Variants in PRKN observed in about 807,000 individuals in gnomAD.
PRKN encodes the protein parkin RBR E3 ubiquitin protein ligase, also known as E3 ubiquitin-protein ligase parkin.
PRKN carries 56 observed loss-of-function variants against 59.5 expected under a neutral mutation model. The ratio of observed to expected loss-of-function variants is 0.94; its 90% CI spans 0.76 to 1.18. The LOEUF (loss-of-function observed/expected upper bound fraction) is 1.18, where lower values mean the gene tolerates loss of function less well. Among genes scored for constraint, PRKN ranks in the 50% most tolerant of loss-of-function variants. The probability of loss-of-function intolerance (pLI) is 0.00; values close to 1 mark genes in which losing one functional copy is unlikely to be tolerated. For missense variants in PRKN, 657 were observed against 596.4 expected (o/e 1.10, Z -1.06); for synonymous variants, 250 against 222.1 (o/e 1.13, Z -1.12).
rs180974932 is a variant in PRKN, at chr6:162,718,799, A to G, written c.7+8863T>C. On this transcript the variant is annotated intron_variant, in intron 1 of 11. Transcript: ENST00000366898. ...GCAACAATGCCCAGAAATTGCCAGA[A>G]CATAAAAAACAAGCACAGAGACTTG... Among the ~76,000 whole-genome samples the G allele has an allele frequency of 5.9e-5, 9 of 152,358 alleles. 1 individual carries two copies. The highest frequency in any genetic ancestry group is 2.1e-4 in the South Asian group (1 of 4,832).
intron 7 of PRKN, among the ~76,000 whole-genome samples, chr6:161,651,525 C>T (rs1343239977): frequency 6.6e-6 from 1 of 152,130 alleles, no homozygotes; most frequent in Non-Finnish European, 1.5e-5. Context: ...ACTATGATAT[C>T]TTTAGGGTTT....
At chr6:162,378,603 T>C (rs1012662378) in intron 2 of PRKN, among the ~76,000 whole-genome samples, 3 of 152,262 alleles carry the variant, frequency 2.0e-5, no homozygotes, top group African/African-American at 4.8e-5. Flanking sequence ...ATAATAAGAC[T>C]GGTGAGGCTA....
intron 9 of PRKN, among the ~76,000 whole-genome samples, chr6:161,474,013 CGA>C (rs1790932760): frequency 6.6e-6 from 1 of 152,040 alleles, no homozygotes; most frequent in South Asian, 2.1e-4. Flanking sequence ...CAGACTTCCT[CGA>C]AAAACAGAGC....
At chr6:162,520,588 A>G (rs1235518543) in intron 1 of PRKN, among the ~76,000 whole-genome samples, 2 of 152,192 alleles carry the variant, frequency 1.3e-5, no homozygotes, top group Non-Finnish European at 2.9e-5. Context: ...AAATATTATT[A>G]CAAACCAATG....
chr6:162,197,908 AGGTGTT>A (rs1784557246), intron 4 of PRKN, among the ~76,000 whole-genome samples: 1 of 152,162 alleles, frequency 6.6e-6, no homozygotes, highest in South Asian at 2.1e-4. Context: ...GCACTTTGTG[AGGTGTT>A]AAACATAAAC....
chr6:161,404,505 T>C (rs1030912030), intron 9 of PRKN, among the ~76,000 whole-genome samples: 3 of 152,120 alleles, frequency 2.0e-5, no homozygotes, highest in African/African-American at 7.2e-5. Context: ...TGAGCTAATA[T>C]CATCAGTGTC....
intron 4 of PRKN, among the ~76,000 whole-genome samples, chr6:162,103,236 A>C (rs1221858311): frequency 6.6e-6 from 1 of 152,102 alleles, no homozygotes; most frequent in Admixed American, 6.5e-5. Flanking sequence ...TTTTGTTTAA[A>C]TTAATTTCTA....
At chr6:161,514,738 A>G (rs1239569546) in intron 9 of PRKN, among the ~76,000 whole-genome samples, 2 of 152,104 alleles carry the variant, frequency 1.3e-5, no homozygotes, top group Non-Finnish European at 2.9e-5. Context: ...AGGGGCTGAA[A>G]GAAAACTTTG....
chr6:162,603,332 C>G (rs1419644168), intron 1 of PRKN, among the ~76,000 whole-genome samples: 4 of 152,318 alleles, frequency 2.6e-5, no homozygotes, highest in African/African-American at 9.6e-5. Flanking sequence ...TGAGGAAATA[C>G]ATACTCGCTT....
In PRKN at chr6:161,592,836, C is replaced by A. The variant is rs1315208124; in HGVS notation, c.872-23420G>T. Reference sequence around the variant, plus strand: ...AGGATAGGAGGGCTGGCGGGAGAGGCAGGAGGTCACCGCAGGACCTGAAGG... The same window carrying A: ...AGGATAGGAGGGCTGGCGGGAGAGGAAGGAGGTCACCGCAGGACCTGAAGG... On this transcript the variant is annotated intron_variant, in intron 7 of 11. Coordinates refer to ENST00000366898, the MANE Select transcript of PRKN (RefSeq NM_004562.3). This position sits in a 1 kb window ranked among gnomAD's most constrained non-coding sequence, Gnocchi z 4.8. 6.6e-6 allele frequency among the ~76,000 whole-genome samples: 1 copy of A among 152,186 alleles called. No individual in the cohort carries two copies. Among genetic ancestry groups the A allele is most frequent in the African/African-American group, 2.4e-5 (1 of 41,538 alleles).
At chr6:161,421,500 G>A (rs1788105103) in intron 9 of PRKN, among the ~76,000 whole-genome samples, 1 of 152,146 alleles carries the variant, frequency 6.6e-6, no homozygotes, top group African/African-American at 2.4e-5. Context: ...ACCAGCATGA[G>A]GGTGGATAGA....
At chr6:161,695,329 A>G (rs1036437883) in intron 7 of PRKN, among the ~76,000 whole-genome samples, 3 of 152,172 alleles carry the variant, frequency 2.0e-5, no homozygotes, top group African/African-American at 7.2e-5. Context: ...ATAATGATGA[A>G]CAAATGACAG....
chr6:162,172,433 C>A (rs1275650134), intron 4 of PRKN, among the ~76,000 whole-genome samples: 3 of 152,208 alleles, frequency 2.0e-5, no homozygotes, highest in Admixed American at 1.3e-4. Context: ...GTTGCCTGAG[C>A]CTTACTCCTT....
chr6:161,959,238 C>T (rs1170756741), intron 6 of PRKN, among the ~76,000 whole-genome samples: 2 of 152,178 alleles, frequency 1.3e-5, no homozygotes, highest in East Asian at 3.9e-4. Flanking sequence ...AGATGTGAGG[C>T]GTGTGGCCAG....
At chr6:161,539,494 T>C (rs1301977529) in intron 9 of PRKN, among the ~76,000 whole-genome samples, 2 of 152,176 alleles carry the variant, frequency 1.3e-5, no homozygotes, top group Non-Finnish European at 2.9e-5. Flanking sequence ...AAAAGCATAT[T>C]TCCTTCTCCC....
rs1178743939 is a variant in PRKN at position 161,362,001 on chromosome 6, G to A, written c.1168-1796C>T. Among the ~76,000 whole-genome samples the A allele has an allele frequency of 4.6e-5, 7 of 152,082 alleles. No individual in the cohort carries two copies. In the East Asian group the frequency reaches 5.8e-4, roughly 13 times the overall value. On this transcript the variant is annotated intron_variant, in intron 10 of 11. Transcript: ENST00000366898. This position sits in a 1 kb window ranked among gnomAD's most constrained non-coding sequence, Gnocchi z 5.2. ...CCGACCTGCACCCCAACGCCACCCC[G>A]GCCTCATGTTCCACGCTGTTCTTTT...
At position 161,419,035 on chromosome 6, in the gene PRKN, T is replaced by G. The variant is rs1024774901; in HGVS notation, c.1084-32158A>C. On this transcript the variant is annotated intron_variant, in intron 9 of 11. Transcript: ENST00000366898. The surrounding 1 kb of genome is among the most constrained non-coding windows in gnomAD (Gnocchi z 4.1). ...GTAAAGCGAGTCTCTGAAAATACGT[T>G]GGATGTAAACACATCGTTTACATGA... Among the ~76,000 whole-genome samples, 2 of 152,180 alleles carry G rather than the reference T, an allele frequency of 1.3e-5. No individual in the cohort carries two copies. The highest frequency in any genetic ancestry group is 1.3e-4 in the Admixed American group (2 of 15,280).
chr6:162,606,794 GCAA>G (rs1269020759), intron 1 of PRKN, among the ~76,000 whole-genome samples: 3 of 152,162 alleles, frequency 2.0e-5, no homozygotes, highest in Admixed American at 1.3e-4. Context: ...TTGCTTCACT[GCAA>G]CCTCTGCCTC....
At chr6:162,550,231 T>C (rs1779283473) in intron 1 of PRKN, among the ~76,000 whole-genome samples, 1 of 152,056 alleles carries the variant, frequency 6.6e-6, no homozygotes. Context: ...GGCCTTTAGG[T>C]GGAACGAAGC....
Sources: gnomAD v4.1 joint callset for allele counts (sites outside exome capture counted in the v4.1 genomes callset) on GRCh38, gnomAD v4.1.1 for gene constraint, Gnocchi (gnomAD v3.1) non-coding constraint, MANE v1.5 for transcripts, NCBI Gene and HGNC (gene_info 2026-07-23, HGNC 2026-07-21) for gene names.